The following SMIM31 variants were observed in gnomAD, a reference collection of about 807,000 sequenced individuals.
The protein encoded by SMIM31 is small integral membrane protein 31.
At chr4:164,762,652 G>A (rs1473958671) in intron 1 of SMIM31, among the ~76,000 whole-genome samples, 2 of 102,232 alleles carry the variant, frequency 2.0e-5, no homozygotes, top group Non-Finnish European at 3.5e-5. Flanking sequence ...AACAGAGTAA[G>A]ACTCTGTCTC....
chr4:164,795,138 G>A (rs1471987051), intron 2 of SMIM31, among the ~76,000 whole-genome samples: 1 of 152,150 alleles, frequency 6.6e-6, no homozygotes, highest in Non-Finnish European at 1.5e-5. Context: ...AGGCAACATT[G>A]TATCATGACT....
intron 2 of SMIM31, among the ~76,000 whole-genome samples, chr4:164,774,893 AAAGAAAT>A (rs1223903111): frequency 6.6e-5 from 10 of 152,336 alleles, no homozygotes; most frequent in African/African-American, 2.4e-4. Context: ...CTCAGATTAA[AAAGAAAT>A]TACCTGTTAC....
At chr4:164,781,675 G>A (rs982868882) in intron 2 of SMIM31, among the ~76,000 whole-genome samples, 9 of 152,060 alleles carry the variant, frequency 5.9e-5, no homozygotes, top group Non-Finnish European at 8.8e-5. Context: ...TGTGGCAACC[G>A]ATAATGTCTC....
At chr4:164,766,650 T>C (rs1184497563) in intron 1 of SMIM31, among the ~76,000 whole-genome samples, 2 of 151,676 alleles carry the variant, frequency 1.3e-5, no homozygotes, top group Non-Finnish European at 2.9e-5. Flanking sequence ...TACAAAAAAT[T>C]AGCCAGGCGT....
rs151072050 is a variant in SMIM31 at position 164,794,850 on chromosome 4, A to G, written c.113-6241A>G. 3.8e-3 allele frequency among the ~76,000 whole-genome samples: 575 copies of G among 151,814 alleles called. 2 individuals are homozygous for G. The highest frequency in any genetic ancestry group is 0.013 in the African/African-American group (542 of 41,514). On this transcript the variant is annotated intron_variant, in intron 2 of 2. Transcript: ENST00000507311. ...TAATTTTAAAAAACTAAAATAAATG[A>G]ATATATCTTATAGAGATACACAGAG... is the stretch of plus-strand genomic sequence containing the variant.
intron 2 of SMIM31, among the ~76,000 whole-genome samples, chr4:164,773,197 T>C (rs1025561473): frequency 3.3e-5 from 5 of 152,054 alleles, no homozygotes; most frequent in Non-Finnish European, 7.4e-5. Context: ...GTGAACTTGG[T>C]AGGGAGAAGG....
At chr4:164,760,902 G>A (rs543098693) in intron 1 of SMIM31, among the ~76,000 whole-genome samples, 2 of 152,270 alleles carry the variant, frequency 1.3e-5, no homozygotes, top group East Asian at 1.9e-4. Flanking sequence ...TAAAGGGGGT[G>A]AGACAAAGAA....
intron 2 of SMIM31, among the ~76,000 whole-genome samples, chr4:164,786,661 G>A (rs754161153): frequency 1.3e-5 from 2 of 151,940 alleles, no homozygotes; most frequent in Admixed American, 6.6e-5. Flanking sequence ...CCTCTTTTTT[G>A]TGTGCCTAAA....
chr4:164,755,162 T>C (rs184689075), intron 1 of SMIM31, among the ~76,000 whole-genome samples: 58 of 151,740 alleles, frequency 3.8e-4, no homozygotes, highest in African/African-American at 1.3e-3. Context: ...TATGATTTAA[T>C]TTAATTAGAA....
Position 164,788,478 on chromosome 4 carries a change from C to CTTTTTTTT in SMIM31, c.113-12592_113-12585dup, listed in dbSNP as rs72177805. ...ATAAAATTTCTTTCTTCTAATTTTT[C>CTTTTTTTT]TTTTTTTTTTTTTTTTTTTTTTTTT... On this transcript the variant is annotated intron_variant, in intron 2 of 2. Coordinates refer to ENST00000507311, the MANE Select transcript of SMIM31 (RefSeq NM_001352885.1). Among the ~76,000 whole-genome samples the CTTTTTTTT allele has an allele frequency of 1.6e-3, 95 of 58,196 alleles. 2 individuals carry two copies. Among genetic ancestry groups the CTTTTTTTT allele is most frequent in the African/African-American group, 3.1e-3 (43 of 13,864 alleles). 38.2% of individuals were successfully genotyped at this position (58,196 alleles called of 152,430 possible).
chr4:164,758,868 C>T (rs528385165), intron 1 of SMIM31, among the ~76,000 whole-genome samples: 21 of 118,576 alleles, frequency 1.8e-4, no homozygotes, highest in Middle Eastern at 6.9e-3. Context: ...CTGGGTTTCA[C>T]CGTGTTAGCC....
In SMIM31 at chr4:164,755,529, G is replaced by GGGAGA. The variant is rs1560821416; in HGVS notation, c.-26+1128_-26+1132dup. 1.9e-3 allele frequency among the ~76,000 whole-genome samples: 167 copies of GGGAGA among 87,064 alleles called. 5 individuals carry two copies. Among genetic ancestry groups the GGGAGA allele is most frequent in the African/African-American group, 8.3e-3 (162 of 19,508 alleles). 57.1% of individuals were successfully genotyped at this position (87,064 alleles called of 152,430 possible). A position where few individuals can be genotyped will look rare whatever the true frequency, so the allele number is the denominator to read the frequency against. On this transcript the variant is annotated intron_variant, in intron 1 of 2. Transcript: ENST00000507311. ...GGAGGGGGGAGGAGAGGGGAAGGGA[G>GGGAGA]GGAGAGGAGAGGAGGGGAGGGGAGG...
chr4:164,756,291 C>T (rs1732559356), intron 1 of SMIM31, among the ~76,000 whole-genome samples: 1 of 152,064 alleles, frequency 6.6e-6, no homozygotes, highest in Non-Finnish European at 1.5e-5. Context: ...TAATAATAGG[C>T]CGGGTGCGGT....
chr4:164,800,281 C>T (rs1733265488), intron 2 of SMIM31, among the ~76,000 whole-genome samples: 1 of 151,868 alleles, frequency 6.6e-6, no homozygotes, highest in South Asian at 2.1e-4. Context: ...GCTATCTCAG[C>T]TCTCTGCAAT....
chr4:164,788,989 A>C (rs1733066092), intron 2 of SMIM31, among the ~76,000 whole-genome samples: 1 of 152,176 alleles, frequency 6.6e-6, no homozygotes, highest in Non-Finnish European at 1.5e-5. Context: ...CTGAGACATT[A>C]ATGGAACTTT....
intron 1 of SMIM31, among the ~76,000 whole-genome samples, chr4:164,764,494 G>A (rs920232448): frequency 6.6e-6 from 1 of 151,392 alleles, no homozygotes; most frequent in Non-Finnish European, 1.5e-5. Context: ...TCGAACCTGG[G>A]AGGCGGAGGT....
At chr4:164,782,797 CTCTG>C (rs1231329652) in intron 2 of SMIM31, among the ~76,000 whole-genome samples, 2 of 151,956 alleles carry the variant, frequency 1.3e-5, no homozygotes, top group Admixed American at 6.6e-5. Context: ...AACTAAAGTT[CTCTG>C]TCTATGAATA....
intron 2 of SMIM31, among the ~76,000 whole-genome samples, chr4:164,785,167 G>T (rs1326131352): frequency 6.6e-6 from 1 of 151,308 alleles, no homozygotes; most frequent in Admixed American, 6.6e-5. Flanking sequence ...CGGAGGTTGC[G>T]GTAAGCAGAG....
At chr4:164,777,752 T>C (rs1182496863) in intron 2 of SMIM31, among the ~76,000 whole-genome samples, 1 of 152,158 alleles carries the variant, frequency 6.6e-6, no homozygotes, top group Non-Finnish European at 1.5e-5. Flanking sequence ...AGGTGAACAG[T>C]CTTGGTGACT....
Sources: gnomAD v4.1 joint callset for allele counts (sites outside exome capture counted in the v4.1 genomes callset) on GRCh38, gnomAD v4.1.1 for gene constraint, MANE v1.5 for transcripts, NCBI Gene and HGNC (gene_info 2026-07-23, HGNC 2026-07-21) for gene names.